The following NKAIN2 variants were observed in gnomAD, a reference collection of about 807,000 sequenced individuals.
The protein encoded by NKAIN2 is sodium/potassium transporting ATPase interacting 2.
A neutral mutation model predicts 32.6 loss-of-function variants in NKAIN2; 14 were observed. The ratio of observed to expected loss-of-function variants is 0.43; its 90% CI spans 0.28 to 0.67. NKAIN2 has a LOEUF of 0.67. NKAIN2 is among the 30% of genes least tolerant of loss of function. The pLI, the probability that NKAIN2 is intolerant of heterozygous loss-of-function variation, is 0.17. For synonymous variants in NKAIN2, 80 were observed against 87.2 expected, an observed-to-expected ratio of 0.92 and a Z score of 0.46; for missense variants, 198 against 258.3, an observed-to-expected ratio of 0.77 and a Z score of 1.60.
At chr6:123,986,432 T>G (rs1299687582) in intron 1 of NKAIN2, among the ~76,000 whole-genome samples, 1 of 152,184 alleles carries the variant, frequency 6.6e-6, no homozygotes, top group Non-Finnish European at 1.5e-5. Context: ...TGCCCAGGTA[T>G]ATATACTGGG....
chr6:123,807,830 C>A (rs1841245), intron 1 of NKAIN2, among the ~76,000 whole-genome samples: 89,130 of 151,802 alleles, frequency 0.59, 31,203 homozygotes, highest in Non-Finnish European at 0.8. Flanking sequence ...TGAAAAATGC[C>A]ACTATTGCCA....
At chr6:124,794,478 A>G (rs1779910367) in intron 5 of NKAIN2, among the ~76,000 whole-genome samples, 1 of 152,166 alleles carries the variant, frequency 6.6e-6, no homozygotes, top group Non-Finnish European at 1.5e-5. Flanking sequence ...AAAAAATAAC[A>G]TATATGTTTT....
intron 1 of NKAIN2, among the ~76,000 whole-genome samples, chr6:123,834,953 G>A (rs1054995697): frequency 6.6e-6 from 1 of 152,092 alleles, no homozygotes; most frequent in African/African-American, 2.4e-5. Context: ...TTTATACGTT[G>A]TTGGATTTGA....
At chr6:124,416,656 A>T (rs1774501349) in intron 3 of NKAIN2, among the ~76,000 whole-genome samples, 1 of 152,102 alleles carries the variant, frequency 6.6e-6, no homozygotes. Flanking sequence ...ACAAATAATG[A>T]AAATAAAGTA....
At chr6:124,425,125 C>T in intron 3 of NKAIN2, among the ~76,000 whole-genome samples, 1 of 151,902 alleles carries the variant, frequency 6.6e-6, no homozygotes. Flanking sequence ...TCCAATCTGC[C>T]ACATATTTCA....
intron 3 of NKAIN2, among the ~76,000 whole-genome samples, chr6:124,364,461 A>G (rs1377591221): frequency 6.6e-6 from 1 of 152,088 alleles, no homozygotes; most frequent in Non-Finnish European, 1.5e-5. Context: ...AGATTTAGGT[A>G]TAGATGAACA....
intron 3 of NKAIN2, among the ~76,000 whole-genome samples, chr6:124,491,386 G>A (rs1312617414): frequency 6.6e-6 from 1 of 151,854 alleles, no homozygotes; most frequent in Non-Finnish European, 1.5e-5. Flanking sequence ...ATTTACCTTT[G>A]TGAATTTCAA....
At chr6:123,835,851 A>C (rs1345897479) in intron 1 of NKAIN2, among the ~76,000 whole-genome samples, 1 of 152,078 alleles carries the variant, frequency 6.6e-6, no homozygotes, top group Non-Finnish European at 1.5e-5. Context: ...CCTGAGGTTC[A>C]TGGTTGGACA....
At chr6:124,262,770 CA>C (rs1220108835) in intron 1 of NKAIN2, among the ~76,000 whole-genome samples, 1 of 151,914 alleles carries the variant, frequency 6.6e-6, no homozygotes, top group Non-Finnish European at 1.5e-5. Context: ...AGGAAAAGAC[CA>C]AAAACTGGAA....
At position 123,928,813 on chromosome 6, in the gene NKAIN2, A is replaced by G. The variant is rs185898216; in HGVS notation, c.54+124559A>G. On this transcript the variant is annotated intron_variant, in intron 1 of 6. Coordinates refer to ENST00000368417, the MANE Select transcript of NKAIN2 (RefSeq NM_001040214.3). Reference sequence around the variant, plus strand: ...CCCAGAGTCATGGATGAAAACGTCCATGGCAACATTGTTTATAGCAGCTGA... The same window carrying G: ...CCCAGAGTCATGGATGAAAACGTCCGTGGCAACATTGTTTATAGCAGCTGA... Among the ~76,000 whole-genome samples, 41 of 152,280 alleles carry G rather than the reference A, an allele frequency of 2.7e-4. No individual in the cohort carries two copies. The East Asian group carries it at 6.7e-3, about 25-fold the overall frequency.
At chr6:124,602,370 A>G (rs1048663576) in intron 3 of NKAIN2, among the ~76,000 whole-genome samples, 1 of 151,986 alleles carries the variant, frequency 6.6e-6, no homozygotes, top group Non-Finnish European at 1.5e-5. Context: ...GGGTTCATTT[A>G]TCCAGTTTTT....
At chr6:124,507,991 G>A (rs951268662) in intron 3 of NKAIN2, among the ~76,000 whole-genome samples, 6 of 151,890 alleles carry the variant, frequency 4.0e-5, no homozygotes, top group Non-Finnish European at 7.4e-5. Flanking sequence ...AATAGCTTAC[G>A]CCTGTAATCC....
chr6:123,940,037 C>T (rs980490571), intron 1 of NKAIN2, among the ~76,000 whole-genome samples: 1 of 151,692 alleles, frequency 6.6e-6, no homozygotes, highest in African/African-American at 2.4e-5. Context: ...CATTTATGGG[C>T]CCAGAGTGCT....
At chr6:123,856,525 G>A (rs1219398955) in intron 1 of NKAIN2, among the ~76,000 whole-genome samples, 5 of 152,148 alleles carry the variant, frequency 3.3e-5, no homozygotes, top group Non-Finnish European at 7.4e-5. Flanking sequence ...TCGTAAAGTT[G>A]GTAAGAGCTT....
chr6:124,686,813 G>C (rs1773905944), intron 4 of NKAIN2, among the ~76,000 whole-genome samples: 1 of 152,004 alleles, frequency 6.6e-6, no homozygotes, highest in Admixed American at 6.6e-5. Context: ...ATTGATCCTG[G>C]GTGTGTCTGT....
At chr6:124,360,838 T>C (rs1799256841) in intron 3 of NKAIN2, among the ~76,000 whole-genome samples, 1 of 152,220 alleles carries the variant, frequency 6.6e-6, no homozygotes, top group Non-Finnish European at 1.5e-5. Context: ...CTAGATGTCC[T>C]GTTAAGGAAA....
At chr6:124,000,406 A>G (rs1161966540) in intron 1 of NKAIN2, among the ~76,000 whole-genome samples, 1 of 152,034 alleles carries the variant, frequency 6.6e-6, no homozygotes, top group East Asian at 1.9e-4. Context: ...CTTTTACTCA[A>G]CTATAAAAGA....
At chr6:124,297,662 T>C (rs34532329) in intron 2 of NKAIN2, among the ~76,000 whole-genome samples, 1 of 152,002 alleles carries the variant, frequency 6.6e-6, no homozygotes, top group African/African-American at 2.4e-5. Flanking sequence ...CTTATTATTG[T>C]TCTTTTCCTT....
chr6:124,699,977 T>TA (rs1412256800), intron 4 of NKAIN2, among the ~76,000 whole-genome samples: 1 of 152,194 alleles, frequency 6.6e-6, no homozygotes, highest in African/African-American at 2.4e-5. Flanking sequence ...GGGGAACAAT[T>TA]ACATTTCCTT....
Sources: gnomAD v4.1 joint callset for allele counts (sites outside exome capture counted in the v4.1 genomes callset) on GRCh38, gnomAD v4.1.1 for gene constraint, MANE v1.5 for transcripts, NCBI Gene and HGNC (gene_info 2026-07-23, HGNC 2026-07-21) for gene names.